Variants in CABLES2 observed in about 807,000 individuals in gnomAD.
CABLES2 encodes the protein Cdk5 and Abl enzyme substrate 2.
In CABLES2, 35 loss-of-function variants were observed where a neutral mutation model predicts 44.8. The observed-to-expected ratio is 0.78, with a 90% confidence interval of 0.60 to 1.04. The LOEUF (loss-of-function observed/expected upper bound fraction) is 1.04. CABLES2 is among the 50% of genes least tolerant of loss of function. The probability of loss-of-function intolerance (pLI) is 0.00; values close to 1 mark genes in which losing one functional copy is unlikely to be tolerated. For missense variants in CABLES2, 566 were observed against 615.7 expected (o/e 0.92, Z 0.85); for synonymous variants, 282 against 281.1 (o/e 1.00, Z -0.03).
Position 62,390,705 on chromosome 20 carries a change from TAACA to T in CABLES2, c.*262_*265del, listed in dbSNP as rs1215834034. 3.2e-5 allele frequency: 16 copies of T among 495,902 alleles called. No individual in the cohort carries two copies. The highest frequency in any genetic ancestry group is 4.7e-5 in the Non-Finnish European group (13 of 274,044). 30.7% of individuals were successfully genotyped at this position (495,902 alleles called of 1,614,324 possible). A position where few individuals can be genotyped will look rare whatever the true frequency, so the allele number is the denominator to read the frequency against. On this transcript the variant is annotated 3_prime_UTR_variant, in exon 10 of 10. Transcript: ENST00000279101. ...CTCAGGCACGTGAAAAAAATACCAG[TAACA>T]AACCTCACATTTAGTTTATGTAAAA...
rs778885001 is a variant in CABLES2 at position 62,394,213 on chromosome 20, C to T, written c.658G>A (p.Val220Met). 1 of 1,613,652 alleles carries T rather than the reference C, an allele frequency of 6.2e-7. No homozygotes were observed. Among genetic ancestry groups the T allele is most frequent in the Admixed American group, 1.7e-5 (1 of 60,030 alleles). ...KQRHPSGGVS[V>M]SSEMVFELEG... ...AGCTCAAAGACCATCTCGGAAGACA[C>T]AGAGACGCCGCCGGACGGGTGCCTC... The change falls in exon 5 of 10, where the codon GTG becomes ATG. Residue 220 changes from valine to methionine, a missense_variant. Physicochemically the swap from Val to Met is conservative, Grantham distance 21. Transcript: ENST00000279101.
chr20:62,398,014 C>CGGTGGTGAT (rs1988070634), intron 1 of CABLES2, among the ~76,000 whole-genome samples: 1 of 105,808 alleles, frequency 9.5e-6, no homozygotes, highest in Non-Finnish European at 1.9e-5. Context: ...ATGGTTATGG[C>CGGTGGTGAT]GGTGGTGGTG....
At position 62,398,187 on chromosome 20, in the gene CABLES2, A is replaced by ATGGTGGTGATGATGGTGATGGTGG. The variant is rs1480176918; in HGVS notation, c.363-1596_363-1595insCCACCATCACCATCATCACCACCA. ...GATGGTGGTAATGGTGGTGGTGGTGATGGTGATGATGGTGGTGATGGTGAT... is the reference window on the plus strand; with the variant it reads ...GATGGTGGTAATGGTGGTGGTGGTGATGGTGGTGATGATGGTGATGGTGGTGGTGATGATGGTGGTGATGGTGAT... On this transcript the variant is annotated intron_variant, in intron 1 of 9. Transcript: ENST00000279101. 8.6e-5 allele frequency among the ~76,000 whole-genome samples: 8 copies of ATGGTGGTGATGATGGTGATGGTGG among 92,660 alleles called. 1 individual carries two copies. Among genetic ancestry groups the ATGGTGGTGATGATGGTGATGGTGG allele is most frequent in the African/African-American group, 2.0e-4 (4 of 20,004 alleles). 60.8% of individuals were successfully genotyped at this position (92,660 alleles called of 152,430 possible).
Position 62,395,250 on chromosome 20 carries a change from C to T in CABLES2, c.528-236G>A, listed in dbSNP as rs556408555. 8.9e-4 allele frequency among the ~76,000 whole-genome samples: 136 copies of T among 152,364 alleles called. 2 individuals carry two copies. Among genetic ancestry groups the T allele is most frequent in the African/African-American group, 3.2e-3 (132 of 41,590 alleles). ...CCCTACAGGAGCTACCGGGGTTCCC[C>T]TCCCTGGGACGCCGCTGCACGTGGG... On this transcript the variant is annotated intron_variant, in intron 3 of 9. Transcript: ENST00000279101.
chr20:62,393,456 T>A lies in CABLES2; in HGVS notation c.864A>T (p.Pro288=). The change falls in exon 6 of 10, where the codon CCA becomes CCT. Residue 288 remains proline (P), a synonymous_variant. Coordinates refer to ENST00000279101, the MANE Select transcript of CABLES2 (RefSeq NM_031215.3). ...RHKPAPTKSA[P]ASTELGSDVG... ...GTGGGCTACCTAGTTCTGTGCTGGC[T>A]GGTGCCGACTTGGTGGGGGCAGGTT... The A allele has an allele frequency of 6.2e-7, 1 of 1,609,026 alleles. No individual in the cohort carries two copies. The highest frequency in any genetic ancestry group is 8.5e-7 in the Non-Finnish European group (1 of 1,177,280).
chr20:62,397,047 G>A (rs1988034389), intron 1 of CABLES2, among the ~76,000 whole-genome samples: 1 of 152,116 alleles, frequency 6.6e-6, no homozygotes, highest in South Asian at 2.1e-4. Context: ...CAGGCGGGGT[G>A]GGCACCGGGC....
chr20:62,400,346 C>G (rs545717919), intron 1 of CABLES2, among the ~76,000 whole-genome samples: 2 of 152,170 alleles, frequency 1.3e-5, no homozygotes, highest in Non-Finnish European at 2.9e-5. Context: ...GAGCACCCAG[C>G]TGCATGCTGA....
chr20:62,398,220 T>C (rs1332124386), intron 1 of CABLES2, among the ~76,000 whole-genome samples: 18 of 104,840 alleles, frequency 1.7e-4, no homozygotes, highest in Non-Finnish European at 2.8e-4. Context: ...GATGTGATGG[T>C]GGTGGTGGTG....
Position 62,396,547 on chromosome 20 carries a change from A to G in CABLES2, c.408T>C (p.Asp136=), listed in dbSNP as rs757856217. Residue 136 remains aspartate (D), a synonymous_variant, in exon 2 of 10, where the codon GAT becomes GAC. Coordinates refer to ENST00000279101, the MANE Select transcript of CABLES2 (RefSeq NM_031215.3). This position sits in a 1 kb window ranked among gnomAD's most constrained non-coding sequence, Gnocchi z 5.7. ...SQRCSLEFLE[D]AVGCAPAQRT... ...TCTGTGCTGGAGCGCATCCCACGGC[A>G]TCTTCCAGAAACTCCAGGGAGCAGC... The G allele has an allele frequency of 3.1e-6, 5 of 1,613,612 alleles. No individual in the cohort carries two copies. The South Asian group carries it at 5.5e-5, about 18-fold the overall frequency.
intron 4 of CABLES2, among the ~76,000 whole-genome samples, chr20:62,394,518 C>T (rs1987980061): frequency 6.6e-6 from 1 of 152,228 alleles, no homozygotes; most frequent in Non-Finnish European, 1.5e-5. Flanking sequence ...CCCACCTTCA[C>T]TAGCCCACTA....
Position 62,407,003 on chromosome 20 carries a change from C to G in CABLES2, c.274G>C (p.Gly92Arg), listed in dbSNP as rs1218894451. ...GGCGCGGGGGTCCTGGCGGGCAGCC[C>G]GGTGGGGGGCTCCGGCGGCGGCGGC... Reference protein sequence around the residue: ...PAPPPPEPPTGLPARTPAPQG... With the variant: ...PAPPPPEPPTRLPARTPAPQG... Residue 92 changes from glycine (G) to arginine (R), a missense_variant, in exon 1 of 10, where the codon GGG becomes CGG. By Grantham distance (125) the Gly-to-Arg change is moderately radical. Coordinates refer to ENST00000279101, the MANE Select transcript of CABLES2 (RefSeq NM_031215.3). 8.4e-7 allele frequency: 1 copy of G among 1,186,308 alleles called. No homozygotes were observed. Among genetic ancestry groups the G allele is most frequent in the Non-Finnish European group, 1.0e-6 (1 of 958,720 alleles). 73.5% of individuals were successfully genotyped at this position (1,186,308 alleles called of 1,614,324 possible).
chr20:62,402,289 C>A (rs1988203969), intron 1 of CABLES2: 1 of 152,256 alleles, frequency 6.6e-6, no homozygotes, highest in South Asian at 2.1e-4. Context: ...CATTTCCTTT[C>A]CTTTGTAACG....
intron 1 of CABLES2, among the ~76,000 whole-genome samples, chr20:62,398,239 G>A (rs1295593115): frequency 7.0e-6 from 1 of 143,186 alleles, no homozygotes; most frequent in Non-Finnish European, 1.5e-5. Flanking sequence ...TGACGGTGGT[G>A]ATGATGGTGA....
At position 62,393,638 on chromosome 20, in the gene CABLES2, G is replaced by A. The variant is rs200688395; in HGVS notation, c.715-33C>T. The A allele has an allele frequency of 1.2e-5, 18 of 1,538,266 alleles. No homozygotes were observed. The East Asian group carries it at 3.0e-4, about 25-fold the overall frequency. On this transcript the variant is annotated intron_variant, in intron 5 of 9. Coordinates refer to ENST00000279101, the MANE Select transcript of CABLES2 (RefSeq NM_031215.3). The stretch of plus-strand genomic sequence containing the variant: ...AGCAAATGCATCTGGCCTCAGCTCT[G>A]CCTCCCGGGACCAGAGGGCAAAGTG...
intron 1 of CABLES2, among the ~76,000 whole-genome samples, chr20:62,400,926 T>G (rs1353237598): frequency 6.6e-6 from 1 of 152,202 alleles, no homozygotes; most frequent in Non-Finnish European, 1.5e-5. Flanking sequence ...TGTAAGCATC[T>G]TATTAGTAAA....
intron 1 of CABLES2, among the ~76,000 whole-genome samples, chr20:62,400,729 A>C (rs1988173506): frequency 6.6e-6 from 1 of 152,058 alleles, no homozygotes; most frequent in Non-Finnish European, 1.5e-5. Context: ...GTACCGTTGG[A>C]TCCTCTGGCC....
Position 62,391,479 on chromosome 20 carries a change from C to G in CABLES2, c.1092-26G>C, listed in dbSNP as rs1462332451. On this transcript the variant is annotated intron_variant, in intron 8 of 9. Transcript: ENST00000279101. This position sits in a 1 kb window ranked among gnomAD's most constrained non-coding sequence, Gnocchi z 5.7. ...CTGTGGGTTAAGACAGAAGCCATGTCCCTGGGGGCTCTGGCTGGGGCTGAG... is the reference window on the plus strand; with the variant it reads ...CTGTGGGTTAAGACAGAAGCCATGTGCCTGGGGGCTCTGGCTGGGGCTGAG... 6.2e-7 allele frequency: 1 copy of G among 1,607,460 alleles called. No homozygotes were observed. The highest frequency in any genetic ancestry group is 2.2e-5 in the East Asian group (1 of 44,736).
rs1010222148 is a variant in CABLES2 at position 62,396,968 on chromosome 20, G to A, written c.363-376C>T. Among the ~76,000 whole-genome samples the A allele has an allele frequency of 3.3e-5, 5 of 152,096 alleles. No homozygotes were observed. The highest frequency in any genetic ancestry group is 1.9e-4 in the East Asian group (1 of 5,174). On this transcript the variant is annotated intron_variant, in intron 1 of 9. Coordinates refer to ENST00000279101, the MANE Select transcript of CABLES2 (RefSeq NM_031215.3). The surrounding 1 kb of genome is among the most constrained non-coding windows in gnomAD (Gnocchi z 5.7). ...CTCTGACAGGCCCATCCCACCCAGC[G>A]CTGCCTGAGACTGGTGCTGCCTGCC...
chr20:62,400,800 C>G (rs890719618), intron 1 of CABLES2, among the ~76,000 whole-genome samples: 1 of 152,218 alleles, frequency 6.6e-6, no homozygotes, highest in Non-Finnish European at 1.5e-5. Flanking sequence ...CTGGCTCCTC[C>G]GTGATTTTCT....
Sources: gnomAD v4.1 joint callset for allele counts (sites outside exome capture counted in the v4.1 genomes callset) on GRCh38, gnomAD v4.1.1 for gene constraint, Gnocchi (gnomAD v3.1) non-coding constraint, MANE v1.5 for transcripts, NCBI Gene and HGNC (gene_info 2026-07-23, HGNC 2026-07-21) for gene names.